DET1: variants seen among roughly 807,000 people sequenced by gnomAD.
The protein encoded by DET1 is DET1 homolog.
Under a neutral mutation model 43.7 loss-of-function variants are expected in DET1, and 22 were observed. That is an observed-to-expected ratio of 0.50 (90% CI 0.36 to 0.72). DET1 has a LOEUF of 0.72. Among genes scored for constraint, DET1 ranks in the 30% least tolerant of loss-of-function variants. DET1 has a pLI of 0.00. For missense variants in DET1, 713 were observed against 713.3 expected (o/e 1.00, Z 0.00); for synonymous variants, 315 against 266.2 (o/e 1.18, Z -1.79).
chr15:88,533,227 C>A lies in DET1; in HGVS notation c.-10-1512G>T, dbSNP rs191203601. ...ATCAGAGAAATGTAAATCAAAACTA[C>A]AATGGGATATCACCTCACACCCATT... On this transcript the variant is annotated intron_variant, in intron 1 of 4. Transcript: ENST00000268148. Among the ~76,000 whole-genome samples the A allele has an allele frequency of 5.5e-4, 84 of 152,202 alleles. 1 individual carries two copies. In the East Asian group the frequency reaches 0.015, roughly 27 times the overall value.
Position 88,512,671 on chromosome 15 carries a change from T to A in DET1, c.*280A>T. The A allele has an allele frequency of 1.7e-6, 2 of 1,175,334 alleles. No individual in the cohort carries two copies. Among genetic ancestry groups the A allele is most frequent in the African/African-American group, 1.6e-5 (1 of 63,932 alleles). The allele number at this position is 1,175,334 out of a possible 1,614,324, so 72.8% of individuals were successfully genotyped here. ...TGCTTTCATCTTCACAGCAATCAAA[T>A]GCAAAGTAAAGCAAAAATGAAATGG... On this transcript the variant is annotated 3_prime_UTR_variant, in exon 5 of 5. Coordinates refer to ENST00000268148, the MANE Select transcript of DET1 (RefSeq NM_001144074.3).
chr15:88,506,829 T>G (rs2056146879), intron 7 of DET1, among the ~76,000 whole-genome samples: 1 of 152,320 alleles, frequency 6.6e-6, no homozygotes, highest in South Asian at 2.1e-4. Context: ...TTGGCACTGA[T>G]AGCTGACATG....
At chr15:88,509,383 A>T (rs1020490609), downstream of DET1, among the ~76,000 whole-genome samples, 1 of 152,230 alleles carries the variant, frequency 6.6e-6, no homozygotes, top group Non-Finnish European at 1.5e-5. Context: ...GTTGGAAAGT[A>T]AACAAATAAG....
chr15:88,512,843 G>T lies in DET1; in HGVS notation c.*108C>A. 6.7e-7 allele frequency: 1 copy of T among 1,502,692 alleles called. No individual in the cohort carries two copies. The highest frequency in any genetic ancestry group is 1.4e-5 in the African/African-American group (1 of 72,636). The allele number at this position is 1,502,692 out of a possible 1,614,324, so 93.1% of individuals were successfully genotyped here. ...GCTCTCTCCCATCTGAGGTATAGCA[G>T]GCTGGAACTAACAGAGCTAGTAGTC... On this transcript the variant is annotated 3_prime_UTR_variant, in exon 5 of 5. Coordinates refer to ENST00000268148, the MANE Select transcript of DET1 (RefSeq NM_001144074.3).
chr15:88,531,489 T>C lies in DET1; in HGVS notation c.217A>G (p.Ile73Val), dbSNP rs1381657636. The C allele has an allele frequency of 1.9e-6, 3 of 1,613,920 alleles. No individual in the cohort carries two copies. Among genetic ancestry groups the C allele is most frequent in the South Asian group, 2.2e-5 (2 of 91,086 alleles). ...RKFSPDGRYF[I>V]AFSSDQTSLE... ...GATGTCTGGTCTGAAGAAAAAGCAATAAAGTAGCGTCCATCAGGTGAGAAT... is the reference window on the plus strand; with the variant it reads ...GATGTCTGGTCTGAAGAAAAAGCAACAAAGTAGCGTCCATCAGGTGAGAAT... Residue 73 changes from isoleucine (I) to valine (V), a missense_variant, in exon 2 of 5, where the codon ATT becomes GTT. Physicochemically the swap from Ile to Val is conservative, Grantham distance 29. Coordinates refer to ENST00000268148, the MANE Select transcript of DET1 (RefSeq NM_001144074.3). The surrounding 1 kb of genome is among the most constrained non-coding windows in gnomAD (Gnocchi z 6.2).
intron 1 of DET1, among the ~76,000 whole-genome samples, chr15:88,540,045 C>G (rs1470628128): frequency 6.6e-6 from 1 of 152,086 alleles, no homozygotes; most frequent in Admixed American, 6.5e-5. Flanking sequence ...CTGAGTGGTC[C>G]CTTTCCCCCT....
Position 88,516,585 on chromosome 15 carries a change from A to G in DET1, c.1463+197T>C, listed in dbSNP as rs183566336. On this transcript the variant is annotated intron_variant, in intron 4 of 4. Coordinates refer to ENST00000268148, the MANE Select transcript of DET1 (RefSeq NM_001144074.3). This position sits in a 1 kb window ranked among gnomAD's most constrained non-coding sequence, Gnocchi z 4.4. ...TGAATTAGATGTTCTGATGAGAAGC[A>G]AAGAGTAGGAATAATTTAGGAGACT... Among the ~76,000 whole-genome samples, 41 of 152,374 alleles carry G rather than the reference A, an allele frequency of 2.7e-4. No homozygotes were observed. Among genetic ancestry groups the G allele is most frequent in the African/African-American group, 9.1e-4 (38 of 41,590 alleles).
chr15:88,531,809 C>T lies in DET1; in HGVS notation c.-10-94G>A, dbSNP rs938118627. The T allele has an allele frequency of 2.4e-6, 3 of 1,268,248 alleles. No homozygotes were observed. In the African/African-American group the frequency reaches 4.5e-5, roughly 19 times the overall value. The allele number at this position is 1,268,248 out of a possible 1,614,324, so 78.6% of individuals were successfully genotyped here. A position where few individuals can be genotyped will look rare whatever the true frequency, so the allele number is the denominator to read the frequency against. On this transcript the variant is annotated intron_variant, in intron 1 of 4. Transcript: ENST00000268148. The surrounding 1 kb of genome is among the most constrained non-coding windows in gnomAD (Gnocchi z 6.2). ...GTGAAACAGATTTCTCTTCTTATAT[C>T]CTGAACCTAGGAGCTCCCAAGATGA...
At chr15:88,534,281 G>C (rs968930909) in intron 1 of DET1, among the ~76,000 whole-genome samples, 3 of 152,140 alleles carry the variant, frequency 2.0e-5, no homozygotes, top group Admixed American at 6.6e-5. Flanking sequence ...TGCCAGATAA[G>C]ATGGAATAAT....
chr15:88,530,881 T>G lies in DET1; in HGVS notation c.825A>C (p.Val275=). 1 of 1,614,046 alleles carries G rather than the reference T, an allele frequency of 6.2e-7. No homozygotes were observed. Among genetic ancestry groups the G allele is most frequent in the Non-Finnish European group, 8.5e-7 (1 of 1,179,898 alleles). ...CCATGCCTGTCTGACTGTCCCGCTG[T>G]ACCTCAGGGAAAACAGCTGACACAG... ...LLTVSAVFPE[V]QRDSQTGMAN... is the part of the protein sequence containing the mutation. The change falls in exon 2 of 5, where the codon GTA becomes GTC. Residue 275 remains valine, a synonymous_variant. Coordinates refer to ENST00000268148, the MANE Select transcript of DET1 (RefSeq NM_001144074.3).
Position 88,516,997 on chromosome 15 carries a change from A to G in DET1, c.1272-24T>C. ...ACCTAAATGAAAGGACCGGTGAGGA[A>G]GGCTTTGTTAGTGAGTACACAAAGC... On this transcript the variant is annotated intron_variant, in intron 3 of 4. Coordinates refer to ENST00000268148, the MANE Select transcript of DET1 (RefSeq NM_001144074.3). This position sits in a 1 kb window ranked among gnomAD's most constrained non-coding sequence, Gnocchi z 4.4. 1 of 1,530,086 alleles carries G rather than the reference A, an allele frequency of 6.5e-7. No homozygotes were observed. Among genetic ancestry groups the G allele is most frequent in the African/African-American group, 1.4e-5 (1 of 71,890 alleles). 94.8% of individuals were successfully genotyped at this position (1,530,086 alleles called of 1,614,324 possible). A position where few individuals can be genotyped will look rare whatever the true frequency, so the allele number is the denominator to read the frequency against.
intron 3 of DET1, among the ~76,000 whole-genome samples, chr15:88,521,721 T>C (rs1289469349): frequency 2.0e-5 from 3 of 152,156 alleles, no homozygotes; most frequent in Non-Finnish European, 4.4e-5. Flanking sequence ...ATGATTTTAA[T>C]GACTTCAAGC....
chr15:88,515,886 T>C (rs2056332165), intron 4 of DET1, among the ~76,000 whole-genome samples: 1 of 152,098 alleles, frequency 6.6e-6, no homozygotes, highest in Non-Finnish European at 1.5e-5. Flanking sequence ...CATGAAGGTT[T>C]ATTATGCTCT....
intron 7 of DET1, among the ~76,000 whole-genome samples, chr15:88,506,689 C>G (rs1056543438): frequency 2.6e-5 from 4 of 152,132 alleles, no homozygotes; most frequent in Non-Finnish European, 4.4e-5. Flanking sequence ...AATAATGAAG[C>G]TACCATTCTT....
chr15:88,515,515 G>A (rs1322683381), intron 4 of DET1, among the ~76,000 whole-genome samples: 1 of 123,932 alleles, frequency 8.1e-6, no homozygotes. Context: ...CTCGAGCCTG[G>A]GCAACAGACA....
chr15:88,513,784 GAATA>G (rs1045067964), intron 4 of DET1, among the ~76,000 whole-genome samples: 8 of 135,938 alleles, frequency 5.9e-5, no homozygotes, highest in African/African-American at 2.2e-4. Flanking sequence ...TCATATTTAA[GAATA>G]AATTCTTTTT....
intron 3 of DET1, among the ~76,000 whole-genome samples, chr15:88,522,815 C>T (rs549446313): frequency 2.6e-5 from 4 of 151,106 alleles, no homozygotes; most frequent in Admixed American, 6.6e-5. Flanking sequence ...ACCGCGCACC[C>T]GGCTGGAATG....
chr15:88,502,916 G>A (rs993733896), intron 8 of DET1: 1 of 152,198 alleles, frequency 6.6e-6, no homozygotes, highest in Non-Finnish European at 1.5e-5. Flanking sequence ...GCCCTTAGCA[G>A]GTCCTCAATA....
In DET1 at chr15:88,524,861, A is replaced by T. The variant is rs1053478298; in HGVS notation, c.1271+2738T>A. Reference sequence around the variant, plus strand: ...AGGAAAACCAGAGACCCTTGTTCACATGTTTATCTGCTGACCTTCCCTCCA... The same window carrying T: ...AGGAAAACCAGAGACCCTTGTTCACTTGTTTATCTGCTGACCTTCCCTCCA... On this transcript the variant is annotated intron_variant, in intron 3 of 4. Transcript: ENST00000268148. 5.9e-5 allele frequency among the ~76,000 whole-genome samples: 9 copies of T among 152,216 alleles called. No individual in the cohort carries two copies. In the East Asian group the frequency reaches 1.7e-3, roughly 29 times the overall value.
Sources: gnomAD v4.1 joint callset for allele counts (sites outside exome capture counted in the v4.1 genomes callset) on GRCh38, gnomAD v4.1.1 for gene constraint, Gnocchi (gnomAD v3.1) non-coding constraint, MANE v1.5 for transcripts, NCBI Gene and HGNC (gene_info 2026-07-23, HGNC 2026-07-21) for gene names.